Variants in MLIP observed in about 807,000 individuals in gnomAD.
The protein encoded by MLIP is muscular LMNA-interacting protein.
A neutral mutation model predicts 84.8 loss-of-function variants in MLIP; 79 were observed. That is an observed-to-expected ratio of 0.93 (90% CI 0.78 to 1.12). MLIP has a LOEUF of 1.12. Among genes scored for constraint, MLIP ranks in the 50% most tolerant of loss-of-function variants. The pLI is 0.00. For synonymous variants in MLIP, 504 were observed against 463.0 expected (o/e 1.09, Z -1.14); for missense variants, 1,257 against 1,160.6 (o/e 1.08, Z -1.21).
chr6:54,260,895 T>C (rs1783340758), intron 13 of MLIP, among the ~76,000 whole-genome samples: 1 of 151,940 alleles, frequency 6.6e-6, no homozygotes, highest in Admixed American at 6.6e-5. Flanking sequence ...TTCCAAACAG[T>C]GTTTTATTTG....
intron 13 of MLIP, among the ~76,000 whole-genome samples, chr6:54,260,048 C>G (rs1385846269): frequency 6.6e-6 from 1 of 151,868 alleles, no homozygotes; most frequent in Non-Finnish European, 1.5e-5. Flanking sequence ...GATGGTATCT[C>G]ATTATTTTCC....
intron 12 of MLIP, among the ~76,000 whole-genome samples, chr6:54,251,226 G>A (rs1433263479): frequency 1.3e-5 from 2 of 151,456 alleles, no homozygotes; most frequent in Non-Finnish European, 2.9e-5. Context: ...TATTGGCAAT[G>A]ACTTTACTAT....
intron 1 of MLIP, among the ~76,000 whole-genome samples, chr6:54,083,816 A>T (rs1767317708): frequency 6.6e-6 from 1 of 152,218 alleles, no homozygotes; most frequent in South Asian, 2.1e-4. Context: ...GCTCAACTTT[A>T]GAATTGCTCC....
intron 1 of MLIP, chr6:54,099,564 G>A (rs778330219): frequency 4.6e-5 from 7 of 152,064 alleles, no homozygotes; most frequent in Admixed American, 3.3e-4. Flanking sequence ...GGAATCTAAG[G>A]CTTATAGATT....
intron 4 of MLIP, among the ~76,000 whole-genome samples, chr6:54,147,842 C>T (rs183730642): frequency 1.1e-4 from 16 of 152,124 alleles, no homozygotes; most frequent in Non-Finnish European, 2.2e-4. Context: ...GGCATGCAGG[C>T]CTTGGGTTGC....
At chr6:54,073,403 T>C (rs181490105) in intron 1 of MLIP, among the ~76,000 whole-genome samples, 2 of 152,320 alleles carry the variant, frequency 1.3e-5, no homozygotes, top group Admixed American at 6.5e-5. Flanking sequence ...TAGTCTATTA[T>C]GGAAAAACAA....
At chr6:54,140,102 C>T (rs1051739671) in intron 4 of MLIP, among the ~76,000 whole-genome samples, 5 of 152,004 alleles carry the variant, frequency 3.3e-5, no homozygotes, top group African/African-American at 9.7e-5. Flanking sequence ...GTATTTAAAA[C>T]GAACTCACAA....
chr6:54,239,592 A>G (rs1183400758), intron 12 of MLIP, among the ~76,000 whole-genome samples: 5 of 149,540 alleles, frequency 3.3e-5, no homozygotes, highest in African/African-American at 9.9e-5. Flanking sequence ...CCAACATCCA[A>G]CGTGGTGAAA....
chr6:54,207,073 T>C (rs1189694811), intron 11 of MLIP, among the ~76,000 whole-genome samples: 1 of 152,186 alleles, frequency 6.6e-6, no homozygotes, highest in Non-Finnish European at 1.5e-5. Flanking sequence ...CTGCAATTTC[T>C]TGTAGTGTTA....
chr6:54,265,297 G>A (rs960799120), intron 13 of MLIP, among the ~76,000 whole-genome samples: 1 of 151,914 alleles, frequency 6.6e-6, no homozygotes, highest in Admixed American at 6.6e-5. Context: ...GTTGCCAATA[G>A]CCATCTTCCA....
intron 9 of MLIP, among the ~76,000 whole-genome samples, chr6:54,172,527 TAGAG>T (rs1775869645): frequency 6.6e-6 from 1 of 151,436 alleles, no homozygotes; most frequent in Non-Finnish European, 1.5e-5. Flanking sequence ...ATTGTAGAAA[TAGAG>T]AGGAGGTAGC....
At chr6:54,090,998 G>A (rs1767834672) in intron 1 of MLIP, among the ~76,000 whole-genome samples, 2 of 152,058 alleles carry the variant, frequency 1.3e-5, no homozygotes, top group Admixed American at 1.3e-4. Context: ...TCGACATTTG[G>A]GCCAAATATA....
chr6:54,117,697 A>C (rs1444217786), intron 1 of MLIP, among the ~76,000 whole-genome samples: 1 of 151,596 alleles, frequency 6.6e-6, no homozygotes, highest in East Asian at 2.0e-4. Flanking sequence ...CTGTAATCCC[A>C]GCACTTTGGG....
At chr6:54,259,021 C>T (rs1184829886) in intron 13 of MLIP, among the ~76,000 whole-genome samples, 5 of 151,736 alleles carry the variant, frequency 3.3e-5, no homozygotes, top group Admixed American at 6.6e-5. Context: ...TTTAAAATCA[C>T]GTTTAAAATA....
At chr6:54,216,803 T>C (rs1031034493) in intron 11 of MLIP, 2 of 985,180 alleles carry the variant, frequency 2.0e-6, no homozygotes, top group African/African-American at 1.7e-5. Context: ...TCGAAACCAA[T>C]TTATATTGGC....
chr6:54,079,029 A>G lies in MLIP; in HGVS notation c.64-42418A>G, dbSNP rs79141977. On this transcript the variant is annotated intron_variant, in intron 1 of 12. Transcript: ENST00000274897. ...TCTAGTGTTAAGAATGTTGCACAAA[A>G]TATTTGGGACATATCTATACTAAAT... is the stretch of plus-strand genomic sequence containing the variant. 6.4e-4 allele frequency among the ~76,000 whole-genome samples: 97 copies of G among 152,314 alleles called. No individual in the cohort carries two copies. In the East Asian group the frequency reaches 7.1e-3, roughly 11 times the overall value.
intron 1 of MLIP, among the ~76,000 whole-genome samples, chr6:54,052,690 A>G (rs1765442397): frequency 6.6e-6 from 1 of 152,192 alleles, no homozygotes; most frequent in Non-Finnish European, 1.5e-5. Flanking sequence ...TTTTGGAGAT[A>G]AATTATAAGG....
intron 1 of MLIP, among the ~76,000 whole-genome samples, chr6:54,019,778 CA>C (rs1471693042): frequency 2.6e-5 from 4 of 151,716 alleles, no homozygotes; most frequent in Admixed American, 2.6e-4. Context: ...GCATAAATAA[CA>C]AAAAGTAAGA....
intron 1 of MLIP, chr6:54,040,994 A>G (rs931203431): frequency 2.6e-5 from 4 of 152,078 alleles, no homozygotes; most frequent in African/African-American, 9.7e-5. Context: ...GAGGGGATCA[A>G]TCATACCCCA....
Sources: gnomAD v4.1 joint callset for allele counts (sites outside exome capture counted in the v4.1 genomes callset) on GRCh38, gnomAD v4.1.1 for gene constraint, MANE v1.5 for transcripts, NCBI Gene and HGNC (gene_info 2026-07-23, HGNC 2026-07-21) for gene names.